SLC8A3: variants seen among roughly 807,000 people sequenced by gnomAD.
The protein encoded by SLC8A3 is solute carrier family 8 member A3.
In SLC8A3, 37 loss-of-function variants were observed where a neutral mutation model predicts 65.4. That is an observed-to-expected ratio of 0.57 (90% CI 0.44 to 0.74). SLC8A3 has a LOEUF of 0.74. Ranked by LOEUF, SLC8A3 falls within the 30% of genes least tolerant of loss-of-function variation. The pLI is 0.00. For synonymous variants in SLC8A3, 461 were observed against 444.5 expected (o/e 1.04, Z -0.47); for missense variants, 1,112 against 1,172.1 (o/e 0.95, Z 0.75).
chr14:70,158,145 G>C (rs939113049), intron 2 of SLC8A3, among the ~76,000 whole-genome samples: 1 of 152,222 alleles, frequency 6.6e-6, no homozygotes, highest in Admixed American at 6.5e-5. Context: ...TAGAGAAAAA[G>C]TGGATGCAGC....
At chr14:70,170,447 A>G (rs72476792) in intron 1 of SLC8A3, among the ~76,000 whole-genome samples, 8,926 of 152,276 alleles carry the variant, frequency 0.059, 718 homozygotes, top group East Asian at 0.34. Flanking sequence ...AGTGAATGAC[A>G]TAAGAGCAAA....
intron 2 of SLC8A3, among the ~76,000 whole-genome samples, chr14:70,129,809 T>C (rs373190276): frequency 1.3e-5 from 2 of 152,222 alleles, no homozygotes; most frequent in Non-Finnish European, 2.9e-5. Context: ...GGAGGGCATG[T>C]GCTTTCTGTG....
intron 2 of SLC8A3, among the ~76,000 whole-genome samples, chr14:70,140,075 C>T (rs1162774841): frequency 6.6e-6 from 1 of 152,098 alleles, no homozygotes; most frequent in Non-Finnish European, 1.5e-5. Flanking sequence ...CATTTTGCAC[C>T]TAATACCTTT....
At chr14:70,157,863 T>C (rs989666385) in intron 2 of SLC8A3, among the ~76,000 whole-genome samples, 1 of 152,240 alleles carries the variant, frequency 6.6e-6, no homozygotes, top group Non-Finnish European at 1.5e-5. Context: ...TTCCTGGTGC[T>C]ATCATGAAGC....
At chr14:70,047,648 T>A (rs956604734) in intron 6 of SLC8A3, 5 of 152,244 alleles carry the variant, frequency 3.3e-5, no homozygotes, top group Admixed American at 3.3e-4. Flanking sequence ...GAAGGATATG[T>A]TTGCTTGGTA....
rs567154492 is a variant in SLC8A3, at chr14:70,045,252, C to G, written c.*695G>C. 3 of 152,170 alleles carry G rather than the reference C, an allele frequency of 2.0e-5. No homozygotes were observed. Among genetic ancestry groups the G allele is most frequent in the African/African-American group, 7.2e-5 (3 of 41,412 alleles). 9.4% of individuals were successfully genotyped at this position (152,170 alleles called of 1,614,324 possible). A position where few individuals can be genotyped will look rare whatever the true frequency, so the allele number is the denominator to read the frequency against. ...GCTTATTTCTACCCCAACACCATCACTCCTCCCAAGAACTCAGAGAAAACA... is the reference window on the plus strand; with the variant it reads ...GCTTATTTCTACCCCAACACCATCAGTCCTCCCAAGAACTCAGAGAAAACA... On this transcript the variant is annotated 3_prime_UTR_variant, in exon 7 of 7. Transcript: ENST00000356921.
At chr14:70,099,760 A>G (rs1169841220) in intron 2 of SLC8A3, among the ~76,000 whole-genome samples, 1 of 152,212 alleles carries the variant, frequency 6.6e-6, no homozygotes, top group Non-Finnish European at 1.5e-5. Flanking sequence ...CAGGAATTAT[A>G]TTCAGAATTC....
intron 2 of SLC8A3, among the ~76,000 whole-genome samples, chr14:70,148,463 A>G (rs75695410): frequency 0.049 from 7,485 of 152,270 alleles, 223 homozygotes; most frequent in Middle Eastern, 0.075. Flanking sequence ...TACAGAAGAC[A>G]TTTAGATACA....
At chr14:70,123,450 TA>T (rs1894218863) in intron 2 of SLC8A3, among the ~76,000 whole-genome samples, 1 of 116,544 alleles carries the variant, frequency 8.6e-6, no homozygotes, top group African/African-American at 2.7e-5. Context: ...TTTTCCTGTC[TA>T]TTTTTTTTTT....
Position 70,107,470 on chromosome 14 carries a change from A to G in SLC8A3, c.1785-46531T>C, listed in dbSNP as rs367974632. On this transcript the variant is annotated intron_variant, in intron 2 of 6. Coordinates refer to ENST00000356921, the MANE Select transcript of SLC8A3 (RefSeq NM_182932.3). ...CGACAAGGGCACCCAAGGCATTTTC[A>G]GTCTCACTGTAGGGAGACATTTAGC... Among the ~76,000 whole-genome samples the G allele has an allele frequency of 2.6e-5, 4 of 152,222 alleles. No homozygotes were observed. The East Asian group carries it at 7.7e-4, about 29-fold the overall frequency.
intron 2 of SLC8A3, among the ~76,000 whole-genome samples, chr14:70,158,400 C>T (rs1398233659): frequency 6.6e-6 from 1 of 152,128 alleles, no homozygotes; most frequent in Non-Finnish European, 1.5e-5. Flanking sequence ...AAATCAAGAC[C>T]AAACAGCCTG....
At chr14:70,082,586 G>A (rs11851507) in intron 2 of SLC8A3, among the ~76,000 whole-genome samples, 5,069 of 152,190 alleles carry the variant, frequency 0.033, 298 homozygotes, top group African/African-American at 0.12. Context: ...TTCCTCTTCC[G>A]AACCTGGTCT....
intron 1 of SLC8A3, among the ~76,000 whole-genome samples, chr14:70,175,688 G>A (rs964303360): frequency 3.3e-5 from 5 of 151,460 alleles, no homozygotes; most frequent in African/African-American, 1.2e-4. Context: ...ACACTCTTCT[G>A]GAAGCTCTAT....
chr14:70,064,067 G>A, intron 2 of SLC8A3: 1 of 591,486 alleles, frequency 1.7e-6, no homozygotes, highest in Admixed American at 2.8e-5. Flanking sequence ...CAGGGGCACG[G>A]AGGAGAGTGG....
intron 1 of SLC8A3, among the ~76,000 whole-genome samples, chr14:70,181,076 G>T (rs1594822712): frequency 6.6e-6 from 1 of 152,184 alleles, no homozygotes; most frequent in African/African-American, 2.4e-5. Context: ...AGAATTGTCA[G>T]GTCAGGGAGG....
At chr14:70,168,512 G>A in intron 1 of SLC8A3, 28 bp from the exon 2 acceptor site, 1 of 1,070,148 alleles carries the variant, frequency 9.3e-7, no homozygotes, top group Admixed American at 2.5e-5. Context: ...GGCAGGAAAA[G>A]GCATGAGGAA....
intron 2 of SLC8A3, among the ~76,000 whole-genome samples, chr14:70,132,843 G>C (rs1366545448): frequency 6.6e-6 from 1 of 152,130 alleles, no homozygotes; most frequent in East Asian, 1.9e-4. Context: ...CTAGGCACTT[G>C]GGGATTCACT....
At chr14:70,164,483 T>C (rs1897055308) in intron 2 of SLC8A3, among the ~76,000 whole-genome samples, 1 of 152,188 alleles carries the variant, frequency 6.6e-6, no homozygotes, top group Non-Finnish European at 1.5e-5. Context: ...TTCTCAAGGT[T>C]GACATACCTT....
intron 2 of SLC8A3, among the ~76,000 whole-genome samples, chr14:70,131,488 C>G (rs371716848): frequency 6.6e-6 from 1 of 152,190 alleles, no homozygotes; most frequent in Non-Finnish European, 1.5e-5. Context: ...ACAGGGTATA[C>G]AGCAGGTGTT....
Sources: allele counts gnomAD v4.1 joint callset (sites outside exome capture counted in the v4.1 genomes callset), GRCh38; gene constraint gnomAD v4.1.1; transcripts MANE v1.5; gene names NCBI Gene and HGNC (gene_info 2026-07-23, HGNC 2026-07-21).